Variants in CHLSN observed in about 807,000 individuals in gnomAD.
CHLSN encodes the protein cholesin.
At chr7:1,126,641 A>G in the CHLSN span, among the ~76,000 whole-genome samples, 6 of 152,064 alleles carry the variant, frequency 3.9e-5, no homozygotes, top group Non-Finnish European at 5.9e-5. Context: ...AGATCCCACC[A>G]CTGCACTCCA....
chr7:1,005,571 G>A, the CHLSN span, among the ~76,000 whole-genome samples: 3 of 152,254 alleles, frequency 2.0e-5, no homozygotes, highest in Non-Finnish European at 4.4e-5. Flanking sequence ...GGGGCAGTGG[G>A]CCTGGGTAGG....
the CHLSN span, chr7:1,137,195 C>T: frequency 6.5e-6 from 1 of 152,852 alleles, no homozygotes; most frequent in African/African-American, 2.4e-5. Flanking sequence ...ACACTGGGCT[C>T]CCTGCTGTTT....
the CHLSN span, among the ~76,000 whole-genome samples, chr7:1,035,686 G>A: frequency 2.0e-5 from 3 of 152,286 alleles, no homozygotes; most frequent in South Asian, 6.2e-4. Context: ...CATCGCTGTG[G>A]GAAGTGACTG....
the CHLSN span, among the ~76,000 whole-genome samples, chr7:1,019,399 C>A: frequency 6.6e-6 from 1 of 152,278 alleles, no homozygotes; most frequent in Non-Finnish European, 1.5e-5. Flanking sequence ...GTTGATCACC[C>A]ACGGTCAATG....
At chr7:1,084,688 C>T in the CHLSN span, among the ~76,000 whole-genome samples, 5 of 152,210 alleles carry the variant, frequency 3.3e-5, no homozygotes, top group African/African-American at 7.2e-5. Flanking sequence ...CTCACAGAAC[C>T]GTGTAGACCC....
chr7:1,030,946 A>C, the CHLSN span, among the ~76,000 whole-genome samples: 1 of 152,196 alleles, frequency 6.6e-6, no homozygotes, highest in Non-Finnish European at 1.5e-5. Flanking sequence ...CAGTCCATGC[A>C]TCCACCCAGG....
chr7:1,127,179 G>T, the CHLSN span: 1 of 1,491,802 alleles, frequency 6.7e-7, no homozygotes, highest in Non-Finnish European at 8.9e-7. Flanking sequence ...CCAGCAGGCT[G>T]AGCCACCCCC....
At chr7:1,005,229 T>A in the CHLSN span, among the ~76,000 whole-genome samples, 60 of 152,286 alleles carry the variant, frequency 3.9e-4, no homozygotes, top group Admixed American at 1.2e-3. Context: ...AAGCAGAGGT[T>A]GCAGTGAGCC....
the CHLSN span, chr7:1,074,907 T>A: frequency 6.6e-6 from 1 of 152,512 alleles, no homozygotes; most frequent in East Asian, 1.9e-4. Flanking sequence ...GAGCCCAGGG[T>A]GGGTGCAGGG....
the CHLSN span, among the ~76,000 whole-genome samples, chr7:1,072,404 C>T: frequency 3.3e-5 from 5 of 152,360 alleles, no homozygotes; most frequent in Admixed American, 1.3e-4. Context: ...TGCACACTCA[C>T]GGGACCACGA....
At chr7:1,010,166 G>C in the CHLSN span, 1 of 1,595,224 alleles carries the variant, frequency 6.3e-7, no homozygotes. Context: ...GAACACATTA[G>C]GCTTCGGGGA....
the CHLSN span, among the ~76,000 whole-genome samples, chr7:1,022,586 C>G: frequency 6.6e-6 from 1 of 152,198 alleles, no homozygotes; most frequent in South Asian, 2.1e-4. Context: ...CGGCAACCCT[C>G]GCAGAGTAGC....
the CHLSN span, among the ~76,000 whole-genome samples, chr7:1,128,211 T>C: frequency 4.8e-4 from 1 of 2,062 alleles, no homozygotes; most frequent in African/African-American, 1.5e-3. Flanking sequence ...AGTGGCGCCA[T>C]CTCGGCTCAT....
the CHLSN span, chr7:1,021,505 T>G: frequency 2.0e-6 from 2 of 985,414 alleles, no homozygotes; most frequent in Non-Finnish European, 2.4e-6. Context: ...ATGCCAGTAG[T>G]TGGAGCTGGG....
At chr7:1,044,080 A>T in the CHLSN span, among the ~76,000 whole-genome samples, 2 of 152,400 alleles carry the variant, frequency 1.3e-5, no homozygotes, top group South Asian at 4.1e-4. Context: ...TTACAAAGAA[A>T]ATCCTAAAAC....
the CHLSN span, among the ~76,000 whole-genome samples, chr7:989,819 TGTGCTGGG>T: frequency 1.3e-5 from 2 of 148,652 alleles, no homozygotes; most frequent in Non-Finnish European, 3.0e-5. Flanking sequence ...CAGTGGCACA[TGTGCTGGG>T]GGCGGTGTGG....
chr7:1,057,314 C>G, the CHLSN span, among the ~76,000 whole-genome samples: 2,958 of 152,254 alleles, frequency 0.019, 103 homozygotes, highest in African/African-American at 0.067. Context: ...GGTCACGACC[C>G]GAGACGGCCA....
the CHLSN span, among the ~76,000 whole-genome samples, chr7:1,011,705 C>T: frequency 6.6e-6 from 1 of 151,894 alleles, no homozygotes; most frequent in Non-Finnish European, 1.5e-5. Flanking sequence ...CCCAGACACC[C>T]ACAGATACCC....
chr7:1,044,867 G>A, the CHLSN span, among the ~76,000 whole-genome samples: 4 of 152,258 alleles, frequency 2.6e-5, no homozygotes, highest in African/African-American at 4.8e-5. Flanking sequence ...GCTGAGCCCC[G>A]GGGGCGGGCT....
Sources: allele counts gnomAD v4.1 joint callset (sites outside exome capture counted in the v4.1 genomes callset), GRCh38; gene constraint gnomAD v4.1.1; transcripts MANE v1.5; gene names NCBI Gene and HGNC (gene_info 2026-07-23, HGNC 2026-07-21).